UVSSA: variants seen among roughly 807,000 people sequenced by gnomAD.
UVSSA encodes UV stimulated scaffold protein A.
A neutral mutation model predicts 73.9 loss-of-function variants in UVSSA; 72 were observed. The observed-to-expected ratio is 0.97, with a 90% confidence interval of 0.81 to 1.19. The LOEUF is 1.19. Ranked by LOEUF, UVSSA falls within the 50% of genes most tolerant of loss-of-function variation. UVSSA has a pLI of 0.00. For synonymous variants in UVSSA, 454 were observed against 391.3 expected (o/e 1.16, Z -1.89); for missense variants, 1,150 against 965.0 (o/e 1.19, Z -2.54).
chr4:1,384,245 T>C (rs1468992414), intron 13 of UVSSA: 2 of 408,072 alleles, frequency 4.9e-6, no homozygotes, highest in Non-Finnish European at 8.9e-6. Context: ...CCTTGGCTGG[T>C]GCAGAGTGAG....
In UVSSA at chr4:1,351,771, G is replaced by A. The variant is rs1348430561; in HGVS notation, c.486G>A (p.Glu162=). ...RSLAERKREE[E]KQKHLDKIYQ... ...TGGCAGAAAGGAAGAGAGAAGAGGA[G>A]AAGCAGAAGCACTTGGATAAAATTT... Residue 162 remains glutamate, a synonymous_variant, in exon 4 of 14, where the codon GAG becomes GAA. Transcript: ENST00000389851. 6.2e-7 allele frequency: 1 copy of A among 1,613,654 alleles called. No individual in the cohort carries two copies. The highest frequency in any genetic ancestry group is 8.5e-7 in the Non-Finnish European group (1 of 1,179,922).
At chr4:1,375,155 A>G in intron 8 of UVSSA, 1 of 718,032 alleles carries the variant, frequency 1.4e-6, no homozygotes, top group South Asian at 1.8e-5. Flanking sequence ...GGACCCCCCG[A>G]CGCACGCCAT....
At chr4:1,370,599 C>T (rs1381215802) in intron 8 of UVSSA, among the ~76,000 whole-genome samples, 1 of 152,270 alleles carries the variant, frequency 6.6e-6, no homozygotes, top group Non-Finnish European at 1.5e-5. Flanking sequence ...AGCGCAGTCT[C>T]TCCAGCTTCG....
At chr4:1,362,097 A>G (rs1716729296) in intron 7 of UVSSA, among the ~76,000 whole-genome samples, 1 of 152,020 alleles carries the variant, frequency 6.6e-6, no homozygotes, top group African/African-American at 2.4e-5. Flanking sequence ...CTGTGAACTG[A>G]TTGCATTGTA....
intron 13 of UVSSA, 126 bp from the exon 14 acceptor site, chr4:1,385,742 A>C (rs1386473329): frequency 2.2e-6 from 2 of 925,336 alleles, no homozygotes; most frequent in Non-Finnish European, 3.5e-6. Context: ...ACCCACAGGC[A>C]GTCTGTCAGT....
intron 8 of UVSSA, among the ~76,000 whole-genome samples, chr4:1,374,382 G>A (rs1039078275): frequency 6.6e-5 from 10 of 152,366 alleles, no homozygotes; most frequent in South Asian, 2.1e-4. Context: ...ACCGAGAGGC[G>A]CCGTCAGGGT....
chr4:1,388,553 A>G (rs1054727115), downstream of UVSSA: 2 of 152,234 alleles, frequency 1.3e-5, no homozygotes, highest in South Asian at 2.1e-4. Flanking sequence ...CTTAGCGGGA[A>G]GCTTTCGGTC....
chr4:1,395,127 G>C, exon 14 of UVSSA: 2 of 1,303,596 alleles, frequency 1.5e-6, no homozygotes, highest in South Asian at 1.3e-5. Context: ...GTGCCGATGT[G>C]GAGTGCCTGC....
At chr4:1,383,429 C>T (rs936051043) in intron 12 of UVSSA, among the ~76,000 whole-genome samples, 1 of 152,210 alleles carries the variant, frequency 6.6e-6, no homozygotes, top group Non-Finnish European at 1.5e-5. Flanking sequence ...GCCTTCCAGC[C>T]TGGGAGGCCC....
chr4:1,349,016 TG>T (rs1211594711), intron 2 of UVSSA, among the ~76,000 whole-genome samples: 3 of 71,104 alleles, frequency 4.2e-5, no homozygotes, highest in Non-Finnish European at 6.9e-5. Context: ...TGCCGGGCGG[TG>T]TGCGGTTTGT....
In UVSSA at chr4:1,366,452, G is replaced by C. The variant is rs565941316; in HGVS notation, c.1288+21G>C. 1.4e-4 allele frequency: 228 copies of C among 1,578,772 alleles called. 3 individuals carry two copies. The South Asian group carries it at 2.1e-3, about 15-fold the overall frequency. On this transcript the variant is annotated intron_variant, in intron 8 of 13. Coordinates refer to ENST00000389851, the MANE Select transcript of UVSSA (RefSeq NM_020894.4). Reference sequence around the variant, plus strand: ...GTATGGTGAGCAGTGGGTCCCGTGGGGGGGGCACCTGGGTGGAGGGTCCCC... The same window carrying C: ...GTATGGTGAGCAGTGGGTCCCGTGGCGGGGGCACCTGGGTGGAGGGTCCCC...
chr4:1,349,770 G>T lies in UVSSA; in HGVS notation c.345G>T (p.Arg115=). Residue 115 remains arginine (R), a synonymous_variant, in exon 3 of 14, where the codon CGG becomes CGT. Transcript: ENST00000389851. ...AGAGGCTGAGGCAGGCGACCACCCGGGCCGTGGAAGGGTGGAATGAGAAGT... is the reference window on the plus strand; with the variant it reads ...AGAGGCTGAGGCAGGCGACCACCCGTGCCGTGGAAGGGTGGAATGAGAAGT... ...AAQRLRQATT[R]AVEGWNEKFG... is the part of the protein sequence containing the mutation. The T allele has an allele frequency of 6.2e-7, 1 of 1,608,196 alleles. No individual in the cohort carries two copies. Among genetic ancestry groups the T allele is most frequent in the Non-Finnish European group, 8.5e-7 (1 of 1,176,376 alleles).
rs1011515755 is a variant in UVSSA at position 1,387,929 on chromosome 4, A to T, written c.*1968A>T. 6.7e-6 allele frequency: 1 copy of T among 148,458 alleles called. No homozygotes were observed. The allele number at this position is 148,458 out of a possible 1,614,324, so 9.2% of individuals were successfully genotyped here. ...CATTTCCAAATGAATTTTAGGATCC[A>T]CTCATCAGTTTCTTCAAAAAAAAAA... On this transcript the variant is annotated 3_prime_UTR_variant, in exon 14 of 14. Coordinates refer to ENST00000389851, the MANE Select transcript of UVSSA (RefSeq NM_020894.4).
chr4:1,379,487 G>T (rs550074290), intron 10 of UVSSA, among the ~76,000 whole-genome samples: 1 of 144,332 alleles, frequency 6.9e-6, no homozygotes, highest in East Asian at 2.8e-4. Flanking sequence ...CACCTGGGAC[G>T]CCTGGGAGAC....
chr4:1,380,581 CGGG>C, intron 11 of UVSSA: 1 of 1,383,906 alleles, frequency 7.2e-7, no homozygotes, highest in Non-Finnish European at 9.6e-7. Context: ...AGCTCCCAGC[CGGG>C]CAGCTGGGCA....
rs187456912 is a variant in UVSSA, at chr4:1,385,884, G to C, written c.2053G>C (p.Val685Leu). 1 of 1,614,102 alleles carries C rather than the reference G, an allele frequency of 6.2e-7. No individual in the cohort carries two copies. Among genetic ancestry groups the C allele is most frequent in the Non-Finnish European group, 8.5e-7 (1 of 1,180,036 alleles). Reference sequence around the variant, plus strand: ...TCCCCACAGGGCAGCTGTGCGGAGGGTAGTGGCAGCCATGAACCGGATGGA... The same window carrying C: ...TCCCCACAGGGCAGCTGTGCGGAGGCTAGTGGCAGCCATGAACCGGATGGA... ...KVFAKAAVRR[V>L]VAAMNRMDQK... Residue 685 changes from valine to leucine, a missense_variant, in exon 14 of 14, where the codon GTA becomes CTA. By Grantham distance (32) the Val-to-Leu change is conservative. Transcript: ENST00000389851.
At position 1,380,085 on chromosome 4, in the gene UVSSA, T is replaced by G. The variant is rs1210210753; in HGVS notation, c.1607T>G (p.Val536Gly). 6.2e-7 allele frequency: 1 copy of G among 1,611,042 alleles called. No homozygotes were observed. The highest frequency in any genetic ancestry group is 1.3e-5 in the African/African-American group (1 of 74,854). ...SQHRFWKPSE[V>G]EEEVVNADIS... is the part of the protein sequence containing the mutation. ...CACCGCTTCTGGAAGCCCAGCGAGG[T>G]GGAGGAGGAAGTGGTCAATGCCGAC... Residue 536 changes from valine (V) to glycine (G), a missense_variant, in exon 11 of 14, where the codon GTG becomes GGG. Coordinates refer to ENST00000389851, the MANE Select transcript of UVSSA (RefSeq NM_020894.4).
chr4:1,355,285 C>T, intron 7 of UVSSA, 40 bp downstream of exon 7: 1 of 1,559,086 alleles, frequency 6.4e-7, no homozygotes, highest in Non-Finnish European at 8.7e-7. Context: ...GTCCCAGAGG[C>T]CTCAGTGGGG....
chr4:1,346,363 C>A (rs900180462), upstream of UVSSA, among the ~76,000 whole-genome samples: 3 of 152,144 alleles, frequency 2.0e-5, no homozygotes, highest in Non-Finnish European at 4.4e-5. Context: ...CTGTGCCGGG[C>A]GCCCCGCGAG....
Sources: allele counts gnomAD v4.1 joint callset (sites outside exome capture counted in the v4.1 genomes callset), GRCh38; gene constraint gnomAD v4.1.1; transcripts MANE v1.5; gene names NCBI Gene and HGNC (gene_info 2026-07-23, HGNC 2026-07-21).